Variants in CA6 observed in about 807,000 individuals in gnomAD.
CA6 encodes carbonate dehydratase VI.
CA6 carries 28 observed loss-of-function variants against 35.9 expected under a neutral mutation model. That is an observed-to-expected ratio of 0.78 (90% CI 0.58 to 1.07). The LOEUF (loss-of-function observed/expected upper bound fraction) is 1.07. CA6 is among the 50% of genes least tolerant of loss of function. The pLI is 0.00. For missense variants in CA6, 377 were observed against 382.0 expected (o/e 0.99, Z 0.11); for synonymous variants, 148 against 152.6 (o/e 0.97, Z 0.22).
chr1:8,949,308 G>A lies in CA6; in HGVS notation c.125G>A (p.Cys42Tyr), dbSNP rs374778212. The A allele has an allele frequency of 4.3e-6, 7 of 1,613,144 alleles. No individual in the cohort carries two copies. The African/African-American group carries it at 5.3e-5, about 12-fold the overall frequency. ...CACTGGCCACAGCACTACCCCGCCTGTGGGGGCCAGAGACAGTCGCCTATC... is the reference window on the plus strand; with the variant it reads ...CACTGGCCACAGCACTACCCCGCCTATGGGGGCCAGAGACAGTCGCCTATC... The part of the protein sequence containing the change: ...EAHWPQHYPA[C>Y]GGQRQSPINL... The change falls in exon 2 of 8, where the codon TGT becomes TAT. Residue 42 changes from cysteine (C) to tyrosine (Y), a missense_variant. Coordinates refer to ENST00000377443, the MANE Select transcript of CA6 (RefSeq NM_001215.4).
intron 7 of CA6, among the ~76,000 whole-genome samples, chr1:8,973,624 T>C (rs1231870763): frequency 6.6e-6 from 1 of 152,174 alleles, no homozygotes; most frequent in African/African-American, 2.4e-5. Flanking sequence ...GGAACCCGAA[T>C]TGTGGCCTCC....
chr1:8,956,246 T>C (rs1331449261), intron 2 of CA6, among the ~76,000 whole-genome samples: 3 of 151,920 alleles, frequency 2.0e-5, no homozygotes, highest in Admixed American at 1.3e-4. Context: ...AGGAAGATCT[T>C]GCTCATGAGA....
At position 8,949,209 on chromosome 1, in the gene CA6, C is replaced by T. The variant is rs1639451773; in HGVS notation, c.80-54C>T. On this transcript the variant is annotated intron_variant, in intron 1 of 7. Coordinates refer to ENST00000377443, the MANE Select transcript of CA6 (RefSeq NM_001215.4). The stretch of plus-strand genomic sequence containing the variant: ...TCTGGCCTCTGGCCTGGTGAGGTTC[C>T]TCCAGAGTGGGCGCAGCCAGGCAGC... The T allele has an allele frequency of 1.1e-5, 16 of 1,427,170 alleles. No homozygotes were observed. In the South Asian group the frequency reaches 2.2e-4, roughly 20 times the overall value. The allele number at this position is 1,427,170 out of a possible 1,614,324, so 88.4% of individuals were successfully genotyped here.
rs148213961 is a variant in CA6 at position 8,974,301 on chromosome 1, G to A, written c.845-321G>A. 51 of 1,261,102 alleles carry A rather than the reference G, an allele frequency of 4.0e-5. No homozygotes were observed. The Middle Eastern group carries it at 5.7e-4, about 14-fold the overall frequency. The allele number at this position is 1,261,102 out of a possible 1,614,324, so 78.1% of individuals were successfully genotyped here. On this transcript the variant is annotated intron_variant, in intron 7 of 7. Coordinates refer to ENST00000377443, the MANE Select transcript of CA6 (RefSeq NM_001215.4). ...CAAAAACAAGACGATGGCCAAATAC[G>A]GACCTCTTGCGATTTATTTACTAGA...
chr1:8,946,394 G>T (rs1477623527), intron 1 of CA6, among the ~76,000 whole-genome samples: 2 of 152,044 alleles, frequency 1.3e-5, no homozygotes, highest in East Asian at 1.9e-4. Context: ...TATGTTGGGG[G>T]TCTGCTCATT....
chr1:8,962,225 G>A (rs1350354315), intron 4 of CA6, among the ~76,000 whole-genome samples: 1 of 146,782 alleles, frequency 6.8e-6, no homozygotes, highest in Non-Finnish European at 1.5e-5. Flanking sequence ...CTGGGGAAGA[G>A]AGCAAGACTC....
chr1:8,951,115 C>G (rs1333261241), intron 2 of CA6, among the ~76,000 whole-genome samples: 1 of 151,640 alleles, frequency 6.6e-6, no homozygotes, highest in Admixed American at 6.6e-5. Flanking sequence ...ACTCGGGAGG[C>G]TGAGGCAGGA....
intron 5 of CA6, among the ~76,000 whole-genome samples, chr1:8,965,430 G>A (rs1467355301): frequency 6.6e-6 from 1 of 151,996 alleles, no homozygotes; most frequent in African/African-American, 2.4e-5. Flanking sequence ...TCCAGCTTCT[G>A]GTAACCACAG....
chr1:8,965,341 C>T (rs1024918821), intron 5 of CA6, among the ~76,000 whole-genome samples: 6 of 152,132 alleles, frequency 3.9e-5, no homozygotes, highest in African/African-American at 1.2e-4. Flanking sequence ...ACCATCACCC[C>T]GCTCCATTGC....
chr1:8,949,896 C>T (rs984520617), intron 2 of CA6, among the ~76,000 whole-genome samples: 1 of 152,114 alleles, frequency 6.6e-6, no homozygotes, highest in Non-Finnish European at 1.5e-5. Flanking sequence ...TTTCTGATCC[C>T]TACAAGAAAG....
At chr1:8,969,461 A>G (rs1257741034) in intron 6 of CA6, among the ~76,000 whole-genome samples, 1 of 152,076 alleles carries the variant, frequency 6.6e-6, no homozygotes, top group Non-Finnish European at 1.5e-5. Flanking sequence ...AGAAGTGAAG[A>G]GACATTGTGT....
intron 7 of CA6, 94 bp downstream of exon 7, chr1:8,971,075 A>G: frequency 1.2e-6 from 1 of 853,700 alleles, no homozygotes; most frequent in Admixed American, 1.9e-5. Context: ...GATATAAGGG[A>G]AGGAGAGTCA....
intron 4 of CA6, among the ~76,000 whole-genome samples, chr1:8,959,771 C>T (rs1639786598): frequency 6.7e-6 from 1 of 150,062 alleles, no homozygotes; most frequent in African/African-American, 2.5e-5. Context: ...ATCTCTACTA[C>T]AAATACAAAA....
chr1:8,967,691 C>A lies in CA6; in HGVS notation c.604C>A (p.Gln202Lys). 6.2e-7 allele frequency: 1 copy of A among 1,614,134 alleles called. No homozygotes were observed. The highest frequency in any genetic ancestry group is 8.5e-7 in the Non-Finnish European group (1 of 1,179,998). Residue 202 changes from glutamine to lysine, a missense_variant, in exon 6 of 8, where the codon CAG becomes AAG. By Grantham distance (53) the Gln-to-Lys change is moderately conservative (BLOSUM62 1). Coordinates refer to ENST00000377443, the MANE Select transcript of CA6 (RefSeq NM_001215.4). ...QRTTLTGLDV[Q>K]DMLPRNLQHY... Reference sequence around the variant, plus strand: ...AACAACCCTGACTGGCCTTGACGTTCAGGACATGCTGCCCAGGAACCTCCA... The same window carrying A: ...AACAACCCTGACTGGCCTTGACGTTAAGGACATGCTGCCCAGGAACCTCCA...
chr1:8,972,232 G>T (rs1271961974), intron 7 of CA6, among the ~76,000 whole-genome samples: 2 of 151,750 alleles, frequency 1.3e-5, no homozygotes, highest in Non-Finnish European at 2.9e-5. Context: ...TGTAGTTTTT[G>T]TAGAGATGGA....
intron 5 of CA6, among the ~76,000 whole-genome samples, chr1:8,967,021 C>G (rs898040109): frequency 6.6e-6 from 1 of 152,022 alleles, no homozygotes; most frequent in Admixed American, 6.6e-5. Context: ...CGGGGCCTCC[C>G]TGTGTTGCCC....
chr1:8,952,536 A>G (rs1267627170), intron 2 of CA6: 1 of 152,198 alleles, frequency 6.6e-6, no homozygotes, highest in Admixed American at 6.5e-5. Flanking sequence ...ACATTCAGGA[A>G]TTCTACTGAA....
At chr1:8,973,328 G>A (rs1009412867) in intron 7 of CA6, among the ~76,000 whole-genome samples, 3 of 152,036 alleles carry the variant, frequency 2.0e-5, no homozygotes, top group Non-Finnish European at 2.9e-5. Context: ...CTGTCTCCTA[G>A]GTCTAAATGT....
chr1:8,946,793 G>GT (rs1171456212), intron 1 of CA6, among the ~76,000 whole-genome samples: 181 of 125,032 alleles, frequency 1.4e-3, no homozygotes, highest in African/African-American at 4.3e-3. Flanking sequence ...AATGAGAGGT[G>GT]TTTTTTTTTT....
Sources: allele counts gnomAD v4.1 joint callset (sites outside exome capture counted in the v4.1 genomes callset), GRCh38; gene constraint gnomAD v4.1.1; transcripts MANE v1.5; gene names NCBI Gene and HGNC (gene_info 2026-07-23, HGNC 2026-07-21).